CHD8: variants seen among roughly 807,000 people sequenced by gnomAD.
The protein encoded by CHD8 is chromodomain helicase DNA binding protein 8, also known as ATP-dependent chromatin remodeler CHD8.
A neutral mutation model predicts 279.2 loss-of-function variants in CHD8; 31 were observed. That is an observed-to-expected ratio of 0.11 (90% confidence interval 0.08 to 0.15). CHD8 has a LOEUF of 0.15. Ranked by LOEUF, CHD8 falls within the 10% of genes least tolerant of loss-of-function variation. CHD8 has a pLI of 1.00. For missense variants in CHD8, 2,146 were observed against 3,230.5 expected (o/e 0.66, Z 8.14); for synonymous variants, 1,081 against 1,139.6 (o/e 0.95, Z 1.04).
intron 1 of CHD8, among the ~76,000 whole-genome samples, chr14:21,450,190 GT>G (rs1428734707): frequency 1.3e-5 from 2 of 152,146 alleles, no homozygotes; most frequent in African/African-American, 2.4e-5. Flanking sequence ...CATTAGTGCT[GT>G]TTACTTAGAT....
chr14:21,438,688 T>C (rs1436768409), intron 1 of CHD8, among the ~76,000 whole-genome samples: 1 of 151,660 alleles, frequency 6.6e-6, no homozygotes, highest in Non-Finnish European at 1.5e-5. Flanking sequence ...CAAAAATTAC[T>C]GGGCGTAGTG....
intron 1 of CHD8, among the ~76,000 whole-genome samples, chr14:21,449,609 ACAT>A (rs1273397308): frequency 6.6e-6 from 1 of 152,254 alleles, no homozygotes; most frequent in Non-Finnish European, 1.5e-5. Flanking sequence ...CAAGTCTTTA[ACAT>A]CATAACCATG....
intron 26 of CHD8, 161 bp downstream of exon 26, chr14:21,399,441 C>A: frequency 1.7e-6 from 1 of 595,746 alleles, no homozygotes; most frequent in South Asian, 1.9e-5. Flanking sequence ...TTTATAGGAA[C>A]TAACTGCTCT....
At chr14:21,422,517 G>A (rs1319377496) in intron 5 of CHD8, among the ~76,000 whole-genome samples, 2 of 151,926 alleles carry the variant, frequency 1.3e-5, no homozygotes, top group East Asian at 3.8e-4. Context: ...TACTTTATTT[G>A]CACAACCCTC....
intron 1 of CHD8, among the ~76,000 whole-genome samples, chr14:21,452,219 T>C (rs984974089): frequency 2.5e-4 from 38 of 152,280 alleles, no homozygotes; most frequent in Non-Finnish European, 4.6e-4. Context: ...TTTTGTATTT[T>C]TTTAAGTAGA....
At position 21,385,762 on chromosome 14, in the gene CHD8, G is replaced by A; in HGVS notation, c.7597C>T (p.Pro2533Ser). 6.4e-7 allele frequency: 1 copy of A among 1,551,228 alleles called. No homozygotes were observed. Among genetic ancestry groups the A allele is most frequent in the South Asian group, 1.2e-5 (1 of 84,022 alleles). ...TASGTTLRLP[P>S]LQPEEDDDED... ...TCGTCATCCTCCTCAGGTTGCAGTG[G>A]TGGCAACCGCAAGGTAGTACCAGAG... Residue 2533 changes from proline (P) to serine (S), a missense_variant, in exon 38 of 38, where the codon CCA (proline) becomes TCA (serine). Physicochemically the swap from Pro to Ser is moderately conservative, Grantham distance 74. Coordinates refer to ENST00000646647, the MANE Select transcript of CHD8 (RefSeq NM_001170629.2).
intron 5 of CHD8, among the ~76,000 whole-genome samples, chr14:21,424,420 A>AT (rs1367670583): frequency 1.3e-5 from 2 of 151,290 alleles, no homozygotes; most frequent in Non-Finnish European, 1.5e-5. Flanking sequence ...ATATTCTAAA[A>AT]TTTTTTTTTG....
chr14:21,444,565 C>G (rs1462231834), intron 1 of CHD8, among the ~76,000 whole-genome samples: 2 of 152,084 alleles, frequency 1.3e-5, no homozygotes, highest in Admixed American at 6.5e-5. Flanking sequence ...AGTGGTGAGA[C>G]TTCACACTCT....
intron 5 of CHD8, among the ~76,000 whole-genome samples, chr14:21,419,133 T>C (rs1888892672): frequency 6.6e-6 from 1 of 152,256 alleles, no homozygotes; most frequent in African/African-American, 2.4e-5. Context: ...GAAGATACTT[T>C]CTACTTTTTA....
At position 21,403,713 on chromosome 14, in the gene CHD8, G is replaced by A; in HGVS notation, c.3308-50C>T. Reference sequence around the variant, plus strand: ...GTTGAGATCCAGTGAACCATATTAAGGTTGTAGTCTATTTAACTAAGAAAG... The same window carrying A: ...GTTGAGATCCAGTGAACCATATTAAAGTTGTAGTCTATTTAACTAAGAAAG... On this transcript the variant is annotated intron_variant, in intron 16 of 37. Transcript: ENST00000646647. This position sits in a 1 kb window ranked among gnomAD's most constrained non-coding sequence, Gnocchi z 4.3. 7.0e-7 allele frequency: 1 copy of A among 1,431,442 alleles called. No homozygotes were observed. The highest frequency in any genetic ancestry group is 9.6e-7 in the Non-Finnish European group (1 of 1,039,188). The allele number at this position is 1,431,442 out of a possible 1,614,324, so 88.7% of individuals were successfully genotyped here. A position where few individuals can be genotyped will look rare whatever the true frequency, so the allele number is the denominator to read the frequency against.
chr14:21,429,033 C>T lies in CHD8; in HGVS notation c.1146G>A (p.Gln382=). 2 of 1,614,022 alleles carry T rather than the reference C, an allele frequency of 1.2e-6. No individual in the cohort carries two copies. The highest frequency in any genetic ancestry group is 1.3e-5 in the African/African-American group (1 of 75,040). ...CTGGGCTTTGTCCTGGTCCCATTAT[C>T]TGAGCCTGCTGTACAGAGGACAGAG... ...PVTLSSVQQA[Q]IMGPGQSPGQ... Residue 382 remains glutamine, a synonymous_variant, in exon 3 of 38, where the codon CAG becomes CAA. Coordinates refer to ENST00000646647, the MANE Select transcript of CHD8 (RefSeq NM_001170629.2).
chr14:21,438,512 TAA>T (rs559681631), intron 1 of CHD8, among the ~76,000 whole-genome samples: 5 of 112,502 alleles, frequency 4.4e-5, no homozygotes, highest in Admixed American at 9.7e-5. Flanking sequence ...CCTAGTCTCT[TAA>T]AAAAAAAAAA....
In CHD8 at chr14:21,403,286, A is replaced by C; in HGVS notation, c.3519-74T>G. The C allele has an allele frequency of 7.0e-7, 1 of 1,432,840 alleles. No individual in the cohort carries two copies. The highest frequency in any genetic ancestry group is 9.6e-7 in the Non-Finnish European group (1 of 1,039,048). The allele number at this position is 1,432,840 out of a possible 1,614,324, so 88.8% of individuals were successfully genotyped here. ...AGACCAAAACAGCAGGCTAGGATCAATACCAGTACTCCCATATCAAAGCTG... is the reference window on the plus strand; with the variant it reads ...AGACCAAAACAGCAGGCTAGGATCACTACCAGTACTCCCATATCAAAGCTG... On this transcript the variant is annotated intron_variant, in intron 17 of 37. Transcript: ENST00000646647. This position sits in a 1 kb window ranked among gnomAD's most constrained non-coding sequence, Gnocchi z 4.3.
Position 21,412,978 on chromosome 14 carries a change from G to A in CHD8, c.2161C>T (p.Pro721Ser). ...FFHEDEEPFN[P>S]DYVEVDRILD... ...ATCCTATCCACCTCTACGTAGTCTG[G>A]ATTAAAGGGCTCTTCATCCTAGATG... The change falls in exon 10 of 38, where the codon CCA (proline) becomes TCA (serine). Residue 721 changes from proline (P) to serine (S), a missense_variant. Transcript: ENST00000646647. The A allele has an allele frequency of 6.2e-7, 1 of 1,607,364 alleles. No homozygotes were observed. Among genetic ancestry groups the A allele is most frequent in the Non-Finnish European group, 8.5e-7 (1 of 1,174,352 alleles).
intron 1 of CHD8, among the ~76,000 whole-genome samples, chr14:21,441,648 G>A (rs945473464): frequency 2.6e-5 from 4 of 151,994 alleles, no homozygotes; most frequent in Non-Finnish European, 4.4e-5. Flanking sequence ...CAGCACTTTG[G>A]GAGGCCAAGG....
intron 5 of CHD8, chr14:21,419,994 GCT>G: frequency 5.7e-6 from 1 of 175,570 alleles, no homozygotes; most frequent in Non-Finnish European, 1.2e-5. Context: ...TTGCCTATGG[GCT>G]CCTCCAGGCC....
rs763225027 is a variant in CHD8, at chr14:21,393,245, G to A, written c.6329C>T (p.Ser2110Phe). ...CTCTTCATCATAGAGCTTTGAGCGG[G>A]ACTGGTCAGCTGGTAAGAGAGCCCA... ...DEKEEKLTDQ[S>F]RSKLYDEESL... Residue 2110 changes from serine (S) to phenylalanine (F), a missense_variant, in exon 33 of 38, where the codon TCC (serine) becomes TTC (phenylalanine). Coordinates refer to ENST00000646647, the MANE Select transcript of CHD8 (RefSeq NM_001170629.2). 19 of 1,613,976 alleles carry A rather than the reference G, an allele frequency of 1.2e-5. No individual in the cohort carries two copies. Among genetic ancestry groups the A allele is most frequent in the Non-Finnish European group, 1.6e-5 (19 of 1,179,882 alleles).
chr14:21,437,151 A>G (rs1889818451), intron 1 of CHD8: 4 of 1,080,070 alleles, frequency 3.7e-6, no homozygotes, highest in African/African-American at 1.6e-5. Context: ...GAAGGAGAAA[A>G]CGAGCTGTGC....
chr14:21,419,983 ATT>A, intron 5 of CHD8: 1 of 191,110 alleles, frequency 5.2e-6, no homozygotes, highest in Non-Finnish European at 1.1e-5. Context: ...CAGATTGCGC[ATT>A]GCCTATGGGC....
Sources: gnomAD v4.1 joint callset for allele counts (sites outside exome capture counted in the v4.1 genomes callset) on GRCh38, gnomAD v4.1.1 for gene constraint, Gnocchi (gnomAD v3.1) non-coding constraint, MANE v1.5 for transcripts, NCBI Gene and HGNC (gene_info 2026-07-23, HGNC 2026-07-21) for gene names.